The following NDEL1 variants were observed in gnomAD, a reference collection of about 807,000 sequenced individuals.
The protein encoded by NDEL1 is nudE neurodevelopment protein 1 like 1.
A neutral mutation model predicts 45.7 loss-of-function variants in NDEL1; 9 were observed. That is an observed-to-expected ratio of 0.20 (90% CI 0.12 to 0.34). NDEL1 has a LOEUF of 0.34. Ranked by LOEUF, NDEL1 falls within the 10% of genes least tolerant of loss-of-function variation. The probability of loss-of-function intolerance (pLI) is 1.00; values close to 1 mark genes in which losing one functional copy is unlikely to be tolerated. For missense variants in NDEL1, 306 were observed against 406.2 expected, an observed-to-expected ratio of 0.75 and a Z score of 2.12; for synonymous variants, 133 against 158.6, an observed-to-expected ratio of 0.84 and a Z score of 1.21.
chr17:8,468,772 G>A (rs1031867546), downstream of NDEL1, among the ~76,000 whole-genome samples: 1 of 152,248 alleles, frequency 6.6e-6, no homozygotes, highest in Admixed American at 6.5e-5. Context: ...TCGGGAGGCC[G>A]AGGTGGGCGG....
downstream of NDEL1, among the ~76,000 whole-genome samples, chr17:8,470,685 G>A (rs947732836): frequency 1.3e-5 from 2 of 152,198 alleles, no homozygotes; most frequent in Admixed American, 6.5e-5. This position sits in a 1 kb window ranked among gnomAD's most constrained non-coding sequence, Gnocchi z 4.2. Context: ...GCTTGGGCAC[G>A]AGCCCAGTCT....
rs1377970458 is a variant in NDEL1 at position 8,448,596 on chromosome 17, G to A, written c.436G>A (p.Ala146Thr). The A allele has an allele frequency of 2.5e-6, 4 of 1,614,130 alleles. No individual in the cohort carries two copies. The highest frequency in any genetic ancestry group is 3.4e-6 in the Non-Finnish European group (4 of 1,180,000). ...LEDFEQRLNQ[A>T]IERNAFLESE... Reference sequence around the variant, plus strand: ...AGACTTTGAACAAAGGCTAAACCAGGCCATTGAACGAAATGCATTTTTAGA... The same window carrying A: ...AGACTTTGAACAAAGGCTAAACCAGACCATTGAACGAAATGCATTTTTAGA... The change falls in exon 5 of 9, where the codon GCC becomes ACC. Residue 146 changes from alanine (A) to threonine (T), a missense_variant. Ala to Thr is a moderately conservative substitution (Grantham distance 58, BLOSUM62 0). This residue lies in a region of NDEL1 where 19 missense variants were observed against 52.7 expected (regional missense o/e 0.36). Coordinates refer to ENST00000334527, the MANE Select transcript of NDEL1 (RefSeq NM_030808.5).
chr17:8,421,815 A>G (rs557323126), intron 1 of NDEL1, among the ~76,000 whole-genome samples: 36 of 152,294 alleles, frequency 2.4e-4, no homozygotes, highest in Middle Eastern at 3.4e-3. Flanking sequence ...CCCTCCCAGG[A>G]GAGGGCTGAC....
intron 1 of NDEL1, 197 bp from the exon 2 acceptor site, chr17:8,444,063 A>G (rs1909928620): frequency 2.1e-6 from 1 of 470,008 alleles, no homozygotes; most frequent in South Asian, 2.9e-5. Flanking sequence ...TCATGATCTC[A>G]TTCACAATAT....
At position 8,467,407 on chromosome 17, in the gene NDEL1, A is replaced by C. The variant is rs955263513; in HGVS notation, c.*384A>C. ...TTTAGGACATTGCAAATCTTCTAGA[A>C]GTTCTCCCCCAAATCAGGTCAATGT... On this transcript the variant is annotated 3_prime_UTR_variant, in exon 9 of 9. Transcript: ENST00000334527. This position sits in a 1 kb window ranked among gnomAD's most constrained non-coding sequence, Gnocchi z 6.3. 4.9e-6 allele frequency: 2 copies of C among 410,468 alleles called. No homozygotes were observed. Among genetic ancestry groups the C allele is most frequent in the Admixed American group, 4.3e-5 (1 of 23,166 alleles). 25.4% of individuals were successfully genotyped at this position (410,468 alleles called of 1,614,324 possible).
downstream of NDEL1, among the ~76,000 whole-genome samples, chr17:8,471,302 C>T (rs553105374): frequency 4.6e-5 from 7 of 152,342 alleles, no homozygotes; most frequent in South Asian, 8.3e-4. Context: ...AGGCATGTGC[C>T]GCCATGCCCG....
intron 1 of NDEL1, among the ~76,000 whole-genome samples, chr17:8,419,682 G>A (rs1219787294): frequency 1.3e-5 from 2 of 151,592 alleles, no homozygotes; most frequent in Admixed American, 1.3e-4. Context: ...TCTTTTTTTG[G>A]GGGAAAAAGG....
At chr17:8,425,062 T>C (rs1434260042) in intron 1 of NDEL1, among the ~76,000 whole-genome samples, 1 of 152,250 alleles carries the variant, frequency 6.6e-6, no homozygotes, top group Admixed American at 6.5e-5. Context: ...GGTGCTCGTT[T>C]CTCAGTGCTC....
At chr17:8,417,990 C>T (rs1158307402) in intron 1 of NDEL1, among the ~76,000 whole-genome samples, 1 of 152,176 alleles carries the variant, frequency 6.6e-6, no homozygotes, top group East Asian at 1.9e-4. Flanking sequence ...CTGTTTTTAG[C>T]CCCACCCTAC....
Position 8,425,773 on chromosome 17 carries a change from G to T in NDEL1, c.-13+12504G>T, listed in dbSNP as rs143614152. Among the ~76,000 whole-genome samples, 651 of 151,848 alleles carry T rather than the reference G, an allele frequency of 4.3e-3. 4 individuals carry two copies. The highest frequency in any genetic ancestry group is 0.015 in the African/African-American group (626 of 41,406). Reference sequence around the variant, plus strand: ...CACTTGTTACTGCTGGCATACTCAGGGTTCTTTGTCTTTTTTTTTTTTCTT... The same window carrying T: ...CACTTGTTACTGCTGGCATACTCAGTGTTCTTTGTCTTTTTTTTTTTTCTT... On this transcript the variant is annotated intron_variant, in intron 1 of 4. Transcript: ENST00000582812.
intron 1 of NDEL1, among the ~76,000 whole-genome samples, chr17:8,442,565 C>T (rs926427972): frequency 3.3e-5 from 5 of 152,104 alleles, no homozygotes; most frequent in Non-Finnish European, 7.3e-5. Context: ...CCTCAGCCTC[C>T]CCATGTGTTG....
upstream of NDEL1, chr17:8,432,303 A>T (rs1909018530): frequency 9.1e-5 from 1 of 10,944 alleles, no homozygotes; most frequent in Non-Finnish European, 3.5e-3. Flanking sequence ...CCCTTTAAAG[A>T]GATATATATA....
intron 1 of NDEL1, among the ~76,000 whole-genome samples, chr17:8,424,689 A>G (rs968469884): frequency 2.6e-5 from 4 of 152,102 alleles, no homozygotes; most frequent in African/African-American, 7.2e-5. Context: ...TATTTTTAGT[A>G]GAGATGGGGT....
chr17:8,460,730 T>G (rs1222698793), intron 8 of NDEL1, among the ~76,000 whole-genome samples: 1 of 152,188 alleles, frequency 6.6e-6, no homozygotes, highest in Non-Finnish European at 1.5e-5. Flanking sequence ...AACTAAAAAG[T>G]CATGGTTTCC....
At chr17:8,427,206 G>A (rs1004029243) in intron 1 of NDEL1, among the ~76,000 whole-genome samples, 1 of 152,230 alleles carries the variant, frequency 6.6e-6, no homozygotes, top group Non-Finnish European at 1.5e-5. Flanking sequence ...GGGAGTCTGA[G>A]CTGCTTTGAG....
chr17:8,413,537 G>T (rs1313040821), intron 1 of NDEL1, among the ~76,000 whole-genome samples: 2 of 152,120 alleles, frequency 1.3e-5, no homozygotes, highest in African/African-American at 2.4e-5. Context: ...CCTTGATTTG[G>T]TTTCCTATTT....
chr17:8,417,824 G>C lies in NDEL1; in HGVS notation c.-13+4555G>C, dbSNP rs560645003. Among the ~76,000 whole-genome samples the C allele has an allele frequency of 4.6e-5, 7 of 152,310 alleles. No homozygotes were observed. The East Asian group carries it at 5.8e-4, about 13-fold the overall frequency. On this transcript the variant is annotated intron_variant, in intron 1 of 4. Transcript: ENST00000582812. ...CCCTCGGATGTGTCCAGTCTCCCCA[G>C]ATCTGGAGCTATTCTGGTTTAGTTC...
At chr17:8,435,524 G>A (rs1363408519), upstream of NDEL1, among the ~76,000 whole-genome samples, 1 of 152,224 alleles carries the variant, frequency 6.6e-6, no homozygotes, top group African/African-American at 2.4e-5. Context: ...GAATGGACTC[G>A]GAGGTGAACT....
At chr17:8,442,883 G>A (rs1024558959) in intron 1 of NDEL1, among the ~76,000 whole-genome samples, 7 of 151,006 alleles carry the variant, frequency 4.6e-5, no homozygotes, top group African/African-American at 1.5e-4. Context: ...TCCGCCTCCC[G>A]GGTTCACACC....
Sources: allele counts gnomAD v4.1 joint callset (sites outside exome capture counted in the v4.1 genomes callset), GRCh38; gene constraint gnomAD v4.1.1; regional missense constraint gnomAD v4.1.1; non-coding constraint Gnocchi (gnomAD v3.1); transcripts MANE v1.5; gene names NCBI Gene and HGNC (gene_info 2026-07-23, HGNC 2026-07-21).